The following WDPCP variants were observed in gnomAD, a reference collection of about 807,000 sequenced individuals.
The protein encoded by WDPCP is WD repeat containing planar cell polarity effector.
In WDPCP, 71 loss-of-function variants were observed where a neutral mutation model predicts 93.1. The ratio of observed to expected loss-of-function variants is 0.76; its 90% CI spans 0.63 to 0.93. The LOEUF (loss-of-function observed/expected upper bound fraction) is 0.93, where lower values mean the gene tolerates loss of function less well. Among genes scored for constraint, WDPCP ranks in the 40% least tolerant of loss-of-function variants. The pLI is 0.00. For missense variants in WDPCP, 844 were observed against 887.4 expected (o/e 0.95, Z 0.62); for synonymous variants, 315 against 315.0 (o/e 1.00, Z 0.00).
In WDPCP at chr2:63,305,734, G is replaced by C. The variant is rs148990372; in HGVS notation, c.1812+7514C>G. Among the ~76,000 whole-genome samples the C allele has an allele frequency of 3.6e-3, 542 of 152,248 alleles. 4 individuals carry two copies. The highest frequency in any genetic ancestry group is 0.012 in the African/African-American group (518 of 41,522). On this transcript the variant is annotated intron_variant, in intron 13 of 17. Coordinates refer to ENST00000272321, the MANE Select transcript of WDPCP (RefSeq NM_015910.7). Reference sequence around the variant, plus strand: ...GACGAATTGACAGTAGGCTTCAGAAGGTGGGTAATAACAAACTCCACCGAG... The same window carrying C: ...GACGAATTGACAGTAGGCTTCAGAACGTGGGTAATAACAAACTCCACCGAG...
At chr2:63,228,638 T>A (rs1449476369) in intron 14 of WDPCP, 1 of 151,936 alleles carries the variant, frequency 6.6e-6, no homozygotes, top group Non-Finnish European at 1.5e-5. Context: ...TGTGTCCATG[T>A]GTTCTCATTG....
intron 14 of WDPCP, among the ~76,000 whole-genome samples, chr2:63,205,423 G>C (rs1676266138): frequency 6.6e-6 from 1 of 152,070 alleles, no homozygotes; most frequent in African/African-American, 2.4e-5. Flanking sequence ...TGGTAGTATG[G>C]ACATTTTATC....
At chr2:63,507,832 T>C (rs1701978439) in intron 1 of WDPCP, among the ~76,000 whole-genome samples, 1 of 151,706 alleles carries the variant, frequency 6.6e-6, no homozygotes, top group Non-Finnish European at 1.5e-5. Context: ...AGAAAGGATA[T>C]CAGAGATTGA....
chr2:63,651,597 A>C (rs865787510), intron 2 of WDPCP, among the ~76,000 whole-genome samples: 15 of 152,298 alleles, frequency 9.8e-5, no homozygotes, highest in Middle Eastern at 3.4e-3. Flanking sequence ...TTAATGTTGC[A>C]GGTTTGAGAT....
At chr2:63,606,733 C>G (rs979789940) in intron 3 of WDPCP, 1 of 462,692 alleles carries the variant, frequency 2.2e-6, no homozygotes, top group Non-Finnish European at 3.4e-6. Context: ...TAATTAAAAT[C>G]TGGATTTTTA....
intron 2 of WDPCP, among the ~76,000 whole-genome samples, chr2:63,729,335 T>G (rs114201252): frequency 6.6e-6 from 1 of 152,006 alleles, no homozygotes; most frequent in Non-Finnish European, 1.5e-5. Context: ...CAAAAAATGA[T>G]AAAAAAAATA....
intron 2 of WDPCP, among the ~76,000 whole-genome samples, chr2:63,779,872 T>C (rs1160765800): frequency 1.3e-5 from 2 of 152,228 alleles, no homozygotes; most frequent in African/African-American, 4.8e-5. Context: ...AATCTAGTTT[T>C]GTGATACATA....
rs574419310 is a variant in WDPCP, at chr2:63,129,957, A to T, written c.2191-7901T>A. Among the ~76,000 whole-genome samples, 178 of 152,322 alleles carry T rather than the reference A, an allele frequency of 1.2e-3. 2 individuals are homozygous for T. Among genetic ancestry groups the T allele is most frequent in the African/African-American group, 3.9e-3 (164 of 41,582 alleles). On this transcript the variant is annotated intron_variant, in intron 17 of 17. Coordinates refer to ENST00000272321, the MANE Select transcript of WDPCP (RefSeq NM_015910.7). ...AAAAAAGTCTGTACATGTTTAGGAC[A>T]GATGGTTTTTTTCCCAATGTTTTCA...
chr2:63,168,239 T>G (rs1673133665), intron 15 of WDPCP, among the ~76,000 whole-genome samples: 1 of 152,164 alleles, frequency 6.6e-6, no homozygotes, highest in Admixed American at 6.5e-5. Flanking sequence ...GTACAAATAT[T>G]CTTAAGTGTT....
At chr2:63,555,545 AC>A (rs144783439) in intron 1 of WDPCP, among the ~76,000 whole-genome samples, 3 of 151,662 alleles carry the variant, frequency 2.0e-5, no homozygotes, top group African/African-American at 7.3e-5. Flanking sequence ...ACTAGGTGAG[AC>A]CCCCCCGCAA....
intron 15 of WDPCP, 60 bp from the exon 16 acceptor site, chr2:63,153,634 G>C (rs1007040068): frequency 1.2e-5 from 14 of 1,198,734 alleles, no homozygotes; most frequent in African/African-American, 1.1e-4. Flanking sequence ...TTTAAGGTTA[G>C]GTATAAGTTA....
intron 12 of WDPCP, among the ~76,000 whole-genome samples, chr2:63,346,599 T>C (rs1333225559): frequency 6.6e-6 from 1 of 152,220 alleles, no homozygotes; most frequent in African/African-American, 2.4e-5. Flanking sequence ...TGGAACTGCC[T>C]GTTATTGTTC....
intron 6 of WDPCP, among the ~76,000 whole-genome samples, chr2:63,473,103 A>G (rs1282358797): frequency 6.6e-6 from 1 of 152,218 alleles, no homozygotes; most frequent in Non-Finnish European, 1.5e-5. Flanking sequence ...GTTGGTTTAC[A>G]TGGGTAGGCT....
intron 14 of WDPCP, among the ~76,000 whole-genome samples, chr2:63,235,389 A>G (rs1233662801): frequency 1.3e-5 from 2 of 152,230 alleles, no homozygotes; most frequent in Admixed American, 6.5e-5. Flanking sequence ...CCTGGCACAG[A>G]TGGATTCACA....
intron 6 of WDPCP, among the ~76,000 whole-genome samples, chr2:63,468,373 A>G (rs1467041727): frequency 3.3e-5 from 5 of 152,192 alleles, no homozygotes; most frequent in African/African-American, 1.2e-4. Context: ...AAAGGAATGC[A>G]TGTATAAATT....
In WDPCP at chr2:63,739,419, A is replaced by G. The variant is rs975460056; in HGVS notation, n.308+74203T>C. On this transcript the variant is annotated intron_variant and non_coding_transcript_variant, in intron 2 of 4. Coordinates refer to the WDPCP transcript ENST00000467687. ...ATATGTACCACATTTTCTTTATCCAATCCTAATTCTTTATCCAATTAGGTT... is the reference window on the plus strand; with the variant it reads ...ATATGTACCACATTTTCTTTATCCAGTCCTAATTCTTTATCCAATTAGGTT... Among the ~76,000 whole-genome samples, 4 of 152,018 alleles carry G rather than the reference A, an allele frequency of 2.6e-5. No individual in the cohort carries two copies. In the East Asian group the frequency reaches 7.7e-4, roughly 29 times the overall value.
intron 13 of WDPCP, among the ~76,000 whole-genome samples, chr2:63,312,112 CTCAA>C (rs1172251502): frequency 1.3e-5 from 2 of 152,084 alleles, no homozygotes; most frequent in African/African-American, 2.4e-5. Context: ...CATATGCCTG[CTCAA>C]TCAGACATCA....
chr2:63,727,713 T>C (rs116815921), intron 2 of WDPCP, among the ~76,000 whole-genome samples: 27,704 of 152,180 alleles, frequency 0.18, 2,763 homozygotes, highest in Middle Eastern at 0.27. Context: ...TTTTCATTAC[T>C]GATTCAATTT....
chr2:63,373,394 C>T (rs1691576265), intron 12 of WDPCP, among the ~76,000 whole-genome samples: 2 of 151,562 alleles, frequency 1.3e-5, no homozygotes, highest in Middle Eastern at 3.2e-3. Flanking sequence ...GGACTACAGG[C>T]GTGTGCCACC....
Sources: allele counts gnomAD v4.1 joint callset (sites outside exome capture counted in the v4.1 genomes callset), GRCh38; gene constraint gnomAD v4.1.1; transcripts MANE v1.5; gene names NCBI Gene and HGNC (gene_info 2026-07-23, HGNC 2026-07-21).